NTN1: variants seen among roughly 807,000 people sequenced by gnomAD.
NTN1 encodes the protein netrin-1.
NTN1 carries 11 observed loss-of-function variants against 54.2 expected under a neutral mutation model. The ratio of observed to expected loss-of-function variants is 0.20; its 90% confidence interval spans 0.13 to 0.34. The LOEUF (loss-of-function observed/expected upper bound fraction) is 0.34. NTN1 is among the 10% of genes least tolerant of loss of function. NTN1 has a pLI of 1.00. For synonymous variants in NTN1, 371 were observed against 382.0 expected (o/e 0.97, Z 0.33); for missense variants, 740 against 893.1 (o/e 0.83, Z 2.18).
At chr17:9,200,643 G>A (rs1245569849) in intron 5 of NTN1, among the ~76,000 whole-genome samples, 4 of 152,178 alleles carry the variant, frequency 2.6e-5, no homozygotes, top group Admixed American at 2.6e-4. Flanking sequence ...CCAACTCCTA[G>A]AATTCCCTGG....
chr17:9,142,103 G>A (rs955060151), intron 2 of NTN1, among the ~76,000 whole-genome samples: 17 of 152,002 alleles, frequency 1.1e-4, no homozygotes, highest in African/African-American at 3.9e-4. Context: ...CTCCAGGCTG[G>A]GCGACAGAGC....
At chr17:9,223,398 A>G (rs896937150) in intron 6 of NTN1, among the ~76,000 whole-genome samples, 40 of 152,238 alleles carry the variant, frequency 2.6e-4, no homozygotes, top group Middle Eastern at 3.4e-3. Flanking sequence ...CTAAAAATAC[A>G]AAAATTAGCT....
intron 2 of NTN1, among the ~76,000 whole-genome samples, chr17:9,152,375 C>G (rs1218219407): frequency 6.6e-6 from 1 of 152,174 alleles, no homozygotes; most frequent in Non-Finnish European, 1.5e-5. Context: ...CGGAGAGGAT[C>G]CTGCACACCC....
rs1244715618 is a variant in NTN1, at chr17:9,240,123, T to C, written c.*155T>C. 1 of 264,486 alleles carries C rather than the reference T, an allele frequency of 3.8e-6. No individual in the cohort carries two copies. The highest frequency in any genetic ancestry group is 2.3e-5 in the African/African-American group (1 of 43,370). 16.4% of individuals were successfully genotyped at this position (264,486 alleles called of 1,614,324 possible). ...CCGCACGGCGCGGGGGGCGGGACCC[T>C]CGGCGGCCCCTCCCCCTACCCCCAC... is the stretch of plus-strand genomic sequence containing the variant. On this transcript the variant is annotated 3_prime_UTR_variant, in exon 7 of 7. Coordinates refer to ENST00000173229, the MANE Select transcript of NTN1 (RefSeq NM_004822.3).
At chr17:9,038,866 C>T (rs2091912201) in intron 2 of NTN1, among the ~76,000 whole-genome samples, 1 of 152,134 alleles carries the variant, frequency 6.6e-6, no homozygotes, top group Non-Finnish European at 1.5e-5. Context: ...TGCATTACCT[C>T]AGTCCACCTT....
At chr17:9,053,710 C>G (rs2091968274) in intron 2 of NTN1, among the ~76,000 whole-genome samples, 1 of 152,232 alleles carries the variant, frequency 6.6e-6, no homozygotes, top group South Asian at 2.1e-4. Context: ...AAAAAAGAGA[C>G]AGCCACCTTC....
rs1174788779 is a variant in NTN1, at chr17:9,179,917, G to A, written c.1318G>A (p.Gly440Ser). 6.2e-7 allele frequency: 1 copy of A among 1,613,908 alleles called. No homozygotes were observed. The highest frequency in any genetic ancestry group is 2.2e-5 in the East Asian group (1 of 44,900). The change falls in exon 4 of 7, where the codon GGC becomes AGC. Residue 440 changes from glycine (G) to serine (S), a missense_variant. Gly to Ser is a moderately conservative substitution (Grantham distance 56). Coordinates refer to ENST00000173229, the MANE Select transcript of NTN1 (RefSeq NM_004822.3). The part of the protein sequence containing the change: ...TGITCNRCAK[G>S]YQQSRSPIAP... Reference sequence around the variant, plus strand: ...TATCACCTGCAACCGCTGCGCCAAAGGCTACCAGCAGAGCCGCTCTCCCAT... The same window carrying A: ...TATCACCTGCAACCGCTGCGCCAAAAGCTACCAGCAGAGCCGCTCTCCCAT...
At chr17:9,151,865 CACCA>C (rs1361598570) in intron 2 of NTN1, among the ~76,000 whole-genome samples, 3 of 152,098 alleles carry the variant, frequency 2.0e-5, no homozygotes, top group African/African-American at 7.2e-5. Context: ...TTGTAAAATG[CACCA>C]ATCAGCGCTC....
chr17:9,009,042 A>G, the NTN1 span, among the ~76,000 whole-genome samples: 2 of 152,202 alleles, frequency 1.3e-5, no homozygotes, highest in Non-Finnish European at 2.9e-5. Flanking sequence ...CTCCATCTCA[A>G]AACAAGACAA....
chr17:9,034,661 G>A (rs2091897854), intron 2 of NTN1, among the ~76,000 whole-genome samples: 1 of 151,862 alleles, frequency 6.6e-6, no homozygotes, highest in Non-Finnish European at 1.5e-5. Flanking sequence ...GACCTCAGGT[G>A]ATCCACCCAC....
intron 6 of NTN1, among the ~76,000 whole-genome samples, chr17:9,224,980 TC>T (rs1905487067): frequency 6.6e-6 from 1 of 152,146 alleles, no homozygotes; most frequent in Non-Finnish European, 1.5e-5. Context: ...CCAGGACTGT[TC>T]CTGGGACTCT....
At chr17:9,051,477 C>T (rs1327227289) in intron 2 of NTN1, among the ~76,000 whole-genome samples, 1 of 152,200 alleles carries the variant, frequency 6.6e-6, no homozygotes, top group Non-Finnish European at 1.5e-5. Context: ...CAATTCCAAC[C>T]CCTCTCCACT....
intron 2 of NTN1, among the ~76,000 whole-genome samples, chr17:9,083,577 C>T (rs368217885): frequency 1.2e-4 from 18 of 152,290 alleles, no homozygotes; most frequent in African/African-American, 4.3e-4. Flanking sequence ...GTACCTAGCT[C>T]TTCTGTGGGG....
intron 2 of NTN1, among the ~76,000 whole-genome samples, chr17:9,068,462 G>C (rs999216084): frequency 2.0e-5 from 3 of 151,988 alleles, no homozygotes; most frequent in Non-Finnish European, 4.4e-5. Flanking sequence ...TGGGATTACA[G>C]GTGTGAGCTG....
In NTN1 at chr17:9,129,687, C is replaced by T. The variant is rs189587200; in HGVS notation, c.1019-33126C>T. ...CCGTGTTTTCCATACTGTCACCTCC[C>T]GTGCCATTTGGAATGTGGATAACTC... On this transcript the variant is annotated intron_variant, in intron 2 of 6. Coordinates refer to ENST00000173229, the MANE Select transcript of NTN1 (RefSeq NM_004822.3). Among the ~76,000 whole-genome samples, 55 of 152,282 alleles carry T rather than the reference C, an allele frequency of 3.6e-4. No homozygotes were observed. The East Asian group carries it at 6.6e-3, about 18-fold the overall frequency.
chr17:9,113,176 A>T (rs1468107920), intron 2 of NTN1, among the ~76,000 whole-genome samples: 3 of 151,566 alleles, frequency 2.0e-5, no homozygotes, highest in Non-Finnish European at 4.4e-5. Context: ...GGTGCCCGCC[A>T]CCACGCCTGG....
At chr17:9,025,390 A>G (rs951745360) in intron 2 of NTN1, among the ~76,000 whole-genome samples, 1 of 152,222 alleles carries the variant, frequency 6.6e-6, no homozygotes, top group Admixed American at 6.5e-5. Flanking sequence ...AGCAATCAAC[A>G]TATTAACGAA....
Position 9,221,147 on chromosome 17 carries a change from T to TGCCC in NTN1, c.1412-21_1412-20insGCCC. ...CAGCCTAATTAGTTTTTGTCTGTGCTCCCCCCCCACCCCCCTGCAGACTGC... is the reference window on the plus strand; with the variant it reads ...CAGCCTAATTAGTTTTTGTCTGTGCTGCCCCCCCCCCCACCCCCCTGCAGACTGC... On this transcript the variant is annotated intron_variant, in intron 5 of 6. Transcript: ENST00000173229. The surrounding 1 kb of genome is among the most constrained non-coding windows in gnomAD (Gnocchi z 4.5). 111 of 1,303,586 alleles carry TGCCC rather than the reference T, an allele frequency of 8.5e-5. No homozygotes were observed. Among genetic ancestry groups the TGCCC allele is most frequent in the Middle Eastern group, 2.1e-4 (1 of 4,686 alleles). The allele number at this position is 1,303,586 out of a possible 1,614,324, so 80.8% of individuals were successfully genotyped here.
rs148046822 is a variant in NTN1 at position 9,134,962 on chromosome 17, T to C, written c.1019-27851T>C. Among the ~76,000 whole-genome samples, 723 of 152,300 alleles carry C rather than the reference T, an allele frequency of 4.7e-3. 2 individuals are homozygous for C. The highest frequency in any genetic ancestry group is 0.017 in the African/African-American group (691 of 41,550). On this transcript the variant is annotated intron_variant, in intron 2 of 6. Transcript: ENST00000173229. ...TAGTCTTGTTTGGGAGGCCTGTCCCTGAGTTCCAGACCCAGGGGGTGCTGC... is the reference window on the plus strand; with the variant it reads ...TAGTCTTGTTTGGGAGGCCTGTCCCCGAGTTCCAGACCCAGGGGGTGCTGC...
Sources: gnomAD v4.1 joint callset for allele counts (sites outside exome capture counted in the v4.1 genomes callset) on GRCh38, gnomAD v4.1.1 for gene constraint, Gnocchi (gnomAD v3.1) non-coding constraint, MANE v1.5 for transcripts, NCBI Gene and HGNC (gene_info 2026-07-23, HGNC 2026-07-21) for gene names.